The following SCAI variants were observed in gnomAD, a reference collection of about 807,000 sequenced individuals.
SCAI encodes the protein suppressor of cancer cell invasion, also known as protein SCAI.
In SCAI, 24 loss-of-function variants were observed where a neutral mutation model predicts 92.2. The observed-to-expected ratio is 0.26, with a 90% CI of 0.19 to 0.37. The LOEUF is 0.37. SCAI is among the 10% of genes least tolerant of loss of function. The pLI, the probability that SCAI is intolerant of heterozygous loss-of-function variation, is 1.00. For synonymous variants in SCAI, 261 were observed against 258.6 expected (o/e 1.01, Z -0.09); for missense variants, 450 against 736.2 (o/e 0.61, Z 4.50).
intron 2 of SCAI, among the ~76,000 whole-genome samples, chr9:125,126,565 T>TGG (rs1491548387): frequency 1.8e-4 from 23 of 127,884 alleles, no homozygotes; most frequent in South Asian, 5.2e-4. Flanking sequence ...TGGGTGGGTG[T>TGG]GGGTGTGTGT....
At chr9:125,135,260 C>T (rs989818164) in intron 2 of SCAI, among the ~76,000 whole-genome samples, 3 of 152,238 alleles carry the variant, frequency 2.0e-5, no homozygotes, top group Admixed American at 6.5e-5. Context: ...AACTGTCTTA[C>T]AGTTTGGTCT....
chr9:125,098,619 G>A (rs1834613479), intron 2 of SCAI, among the ~76,000 whole-genome samples: 1 of 152,104 alleles, frequency 6.6e-6, no homozygotes, highest in Non-Finnish European at 1.5e-5. Flanking sequence ...TATAATTTAA[G>A]AATGCTAAGA....
intron 6 of SCAI, among the ~76,000 whole-genome samples, chr9:125,023,122 G>A (rs1832903123): frequency 6.6e-6 from 1 of 152,104 alleles, no homozygotes; most frequent in Admixed American, 6.5e-5. Flanking sequence ...ATCAGCCATT[G>A]TTATGATGAT....
At chr9:125,003,409 C>G in intron 10 of SCAI, 60 bp downstream of exon 10, 3 of 1,183,992 alleles carry the variant, frequency 2.5e-6, no homozygotes, top group Non-Finnish European at 3.8e-6. Context: ...AATCAGCGTT[C>G]CAACAGGAGA....
In SCAI at chr9:124,959,509, T is replaced by TATATATACACAC. The variant is rs1239870248; in HGVS notation, c.1675-6557_1675-6556insGTGTGTATATAT. Among the ~76,000 whole-genome samples, 1,474 of 148,290 alleles carry TATATATACACAC rather than the reference T, an allele frequency of 9.9e-3. 67 individuals carry two copies. Among genetic ancestry groups the TATATATACACAC allele is most frequent in the Admixed American group, 0.072 (1,055 of 14,564 alleles). On this transcript the variant is annotated intron_variant, in intron 17 of 17. Transcript: ENST00000336505. The stretch of plus-strand genomic sequence containing the variant: ...ACACACACACATATATATACACATA[T>TATATATACACAC]ATATATATACACACATATATATACA...
chr9:124,969,437 T>A lies in SCAI; in HGVS notation c.1674+1933A>T, dbSNP rs1831609448. ...ATGAAGTGTTGTATAGGTACATCCA[T>A]ACACAAAAAAGCAACAGCTAGAAAA... is the stretch of plus-strand genomic sequence containing the variant. On this transcript the variant is annotated intron_variant, in intron 17 of 17. Transcript: ENST00000336505. Among the ~76,000 whole-genome samples the A allele has an allele frequency of 1.3e-5, 2 of 152,216 alleles. 1 individual carries two copies. The highest frequency in any genetic ancestry group is 6.8e-3 in the Middle Eastern group (2 of 294).
At chr9:125,090,799 G>A (rs1834414558) in intron 2 of SCAI, among the ~76,000 whole-genome samples, 1 of 152,108 alleles carries the variant, frequency 6.6e-6, no homozygotes, top group South Asian at 2.1e-4. Context: ...AGAGGTTTTT[G>A]AGATGCAGCC....
chr9:125,142,132 G>C (rs1397838528), intron 2 of SCAI: 1 of 152,626 alleles, frequency 6.6e-6, no homozygotes, highest in Non-Finnish European at 1.5e-5. Flanking sequence ...GTTTTTGTGG[G>C]TACATAGTAG....
intron 2 of SCAI, among the ~76,000 whole-genome samples, chr9:125,087,900 AGT>A (rs767481220): frequency 7.2e-5 from 11 of 152,234 alleles, no homozygotes; most frequent in Non-Finnish European, 1.0e-4. Context: ...GGGTTAGGTG[AGT>A]GTGGATATAC....
At chr9:125,101,930 C>G (rs1231928544) in intron 2 of SCAI, among the ~76,000 whole-genome samples, 1 of 152,194 alleles carries the variant, frequency 6.6e-6, no homozygotes, top group Non-Finnish European at 1.5e-5. Flanking sequence ...ATAGAGACAT[C>G]AAGCTGTTAT....
intron 2 of SCAI, among the ~76,000 whole-genome samples, chr9:125,063,362 G>A (rs535508842): frequency 6.2e-4 from 92 of 148,488 alleles, no homozygotes; most frequent in Non-Finnish European, 1.1e-3. Context: ...AGGTGACAGA[G>A]TGAGAATCAA....
chr9:124,955,646 A>G, intron 17 of SCAI, among the ~76,000 whole-genome samples: 1 of 152,048 alleles, frequency 6.6e-6, no homozygotes, highest in East Asian at 1.9e-4. Flanking sequence ...AAATAAATAA[A>G]TACATACATA....
Position 125,066,143 on chromosome 9 carries a change from A to G in SCAI, c.99-10136T>C, listed in dbSNP as rs144924138. 8.4e-4 allele frequency: 524 copies of G among 622,606 alleles called. 4 individuals carry two copies. The East Asian group carries it at 0.014, about 17-fold the overall frequency. The allele number at this position is 622,606 out of a possible 1,614,324, so 38.6% of individuals were successfully genotyped here. ...CATGAACATTTCCATAGAAATTTCA[A>G]AAGAATCTATATGTAATTATCAGAA... On this transcript the variant is annotated intron_variant, in intron 2 of 17. Transcript: ENST00000336505.
chr9:125,003,618 C>A (rs2131040303), intron 9 of SCAI, 48 bp from the exon 10 acceptor site: 1 of 1,196,054 alleles, frequency 8.4e-7, no homozygotes, highest in African/African-American at 1.5e-5. Context: ...ATGCAACACG[C>A]AGACTTTAAA....
chr9:125,090,059 C>T (rs1017418796), intron 2 of SCAI, among the ~76,000 whole-genome samples: 1 of 152,094 alleles, frequency 6.6e-6, no homozygotes, highest in Non-Finnish European at 1.5e-5. Flanking sequence ...GCATGTAGTG[C>T]CCTAGAAGAA....
At chr9:125,024,517 CGCCTGCCTTG>C (rs1350923307) in intron 6 of SCAI, among the ~76,000 whole-genome samples, 1 of 152,112 alleles carries the variant, frequency 6.6e-6, no homozygotes, top group African/African-American at 2.4e-5. Flanking sequence ...CCTCATGATC[CGCCTGCCTTG>C]GCTTCCCAAA....
chr9:125,088,829 G>A (rs557317233), intron 2 of SCAI, among the ~76,000 whole-genome samples: 216 of 148,250 alleles, frequency 1.5e-3, no homozygotes, highest in African/African-American at 5.4e-3. Context: ...CCCTAACATA[G>A]AGTTTCTTAA....
At chr9:125,131,330 C>T (rs1339749173) in intron 2 of SCAI, among the ~76,000 whole-genome samples, 1 of 151,270 alleles carries the variant, frequency 6.6e-6, no homozygotes, top group East Asian at 1.9e-4. Flanking sequence ...ATCGCTGGAA[C>T]CCGGGAGGCG....
At chr9:125,133,486 G>C (rs985704181) in intron 2 of SCAI, among the ~76,000 whole-genome samples, 1 of 152,152 alleles carries the variant, frequency 6.6e-6, no homozygotes, top group Non-Finnish European at 1.5e-5. Context: ...CTGACAAAAA[G>C]TGAGCAAAAG....
Sources: gnomAD v4.1 joint callset for allele counts (sites outside exome capture counted in the v4.1 genomes callset) on GRCh38, gnomAD v4.1.1 for gene constraint, MANE v1.5 for transcripts, NCBI Gene and HGNC (gene_info 2026-07-23, HGNC 2026-07-21) for gene names.